SPOCK2: variants seen among roughly 807,000 people sequenced by gnomAD.
SPOCK2 encodes the protein SPARC (osteonectin), cwcv and kazal like domains proteoglycan 2.
In SPOCK2, 39 loss-of-function variants were observed where a neutral mutation model predicts 60.1. That is an observed-to-expected ratio of 0.65 (90% confidence interval 0.50 to 0.85). The LOEUF is 0.85. SPOCK2 is among the 40% of genes least tolerant of loss of function. SPOCK2 has a pLI of 0.00. For missense variants in SPOCK2, 523 were observed against 567.4 expected (o/e 0.92, Z 0.80); for synonymous variants, 217 against 231.5 (o/e 0.94, Z 0.57).
chr10:72,082,529 G>T (rs1840799414), intron 1 of SPOCK2, among the ~76,000 whole-genome samples: 1 of 152,040 alleles, frequency 6.6e-6, no homozygotes, highest in South Asian at 2.1e-4. Context: ...AGCCATCAGG[G>T]TAGGGCCCTC....
chr10:72,075,857 G>T (rs1443344297), intron 1 of SPOCK2, among the ~76,000 whole-genome samples: 1 of 152,150 alleles, frequency 6.6e-6, no homozygotes, highest in African/African-American at 2.4e-5. Context: ...GGAGAGCAGG[G>T]CCCTGGGGTC....
chr10:72,079,545 A>G (rs1048433347), intron 1 of SPOCK2, among the ~76,000 whole-genome samples: 9 of 152,160 alleles, frequency 5.9e-5, no homozygotes, highest in Admixed American at 2.0e-4. Flanking sequence ...GCTGGGGGAG[A>G]CAGCAGTGAG....
chr10:72,068,401 T>TC (rs1045362173), intron 5 of SPOCK2, 100 bp from the exon 6 acceptor site: 2 of 1,270,392 alleles, frequency 1.6e-6, no homozygotes, highest in African/African-American at 3.0e-5. Context: ...CACATCTGCC[T>TC]CCCCCCATGG....
Position 72,064,167 on chromosome 10 carries a change from T to C in SPOCK2, c.991+11A>G. On this transcript the variant is annotated intron_variant, in intron 9 of 10. Coordinates refer to ENST00000373109, the MANE Select transcript of SPOCK2 (RefSeq NM_001244950.2). ...CACCTCCTCCTCTGAGAGCCTGGTC[T>C]GGCCCCTCACCTGGCTTCTTCTTGG... 1 of 1,612,278 alleles carries C rather than the reference T, an allele frequency of 6.2e-7. No individual in the cohort carries two copies. The highest frequency in any genetic ancestry group is 1.1e-5 in the South Asian group (1 of 90,626).
chr10:72,073,774 G>A (rs1840679592), intron 1 of SPOCK2, among the ~76,000 whole-genome samples: 1 of 152,260 alleles, frequency 6.6e-6, no homozygotes, highest in Non-Finnish European at 1.5e-5. Context: ...AGAGTGGCCA[G>A]AGGCAGAGAG....
At chr10:72,088,616 TG>T, upstream of SPOCK2, 3 of 287,608 alleles carry the variant, frequency 1.0e-5, no homozygotes, top group East Asian at 5.5e-5. Context: ...TCATCATACC[TG>T]GTTTAAAAAA....
chr10:72,072,408 G>A (rs1368100206), intron 3 of SPOCK2, 95 bp downstream of exon 3: 102 of 1,572,442 alleles, frequency 6.5e-5, no homozygotes, highest in Non-Finnish European at 8.4e-5. Context: ...GGGCCTGGCT[G>A]CTCAAGGAGC....
At chr10:72,069,032 T>C (rs143497741) in intron 5 of SPOCK2, among the ~76,000 whole-genome samples, 210 of 152,330 alleles carry the variant, frequency 1.4e-3, no homozygotes, top group African/African-American at 4.6e-3. Context: ...TGAGCCGGGA[T>C]GAAAGCCAGA....
Position 72,088,132 on chromosome 10 carries a change from GGACTCAC to G in SPOCK2, c.189+1_189+7del. ...CGGGTCTCTGCCTTGGCAGCCCTGC[GGACTCAC>G]GTCTCGGAAGCGGTTCCAGTGCTTG... On this transcript the variant is annotated splice_donor_variant and splice_donor_5th_base_variant and intron_variant, in intron 1 of 10. Transcript: ENST00000373109. LOFTEE classifies it high-confidence loss of function. The G allele has an allele frequency of 6.2e-7, 1 of 1,611,770 alleles. No homozygotes were observed. The highest frequency in any genetic ancestry group is 8.5e-7 in the Non-Finnish European group (1 of 1,179,122).
intron 1 of SPOCK2, among the ~76,000 whole-genome samples, chr10:72,082,746 T>C (rs993843149): frequency 4.1e-5 from 6 of 146,696 alleles, no homozygotes; most frequent in African/African-American, 1.5e-4. Flanking sequence ...CCCAGCTACT[T>C]GGGAGGCTGA....
In SPOCK2 at chr10:72,084,904, T is replaced by C. The variant is rs1052613978; in HGVS notation, c.189+3236A>G. On this transcript the variant is annotated intron_variant, in intron 1 of 10. Transcript: ENST00000373109. ...CTCACTGCATCAGGGATTCAACTTA[T>C]ATGAACTGTGCGCCTCCTGGGTGCC... 2.2e-4 allele frequency among the ~76,000 whole-genome samples: 34 copies of C among 152,268 alleles called. 1 individual carries two copies. Among genetic ancestry groups the C allele is most frequent in the African/African-American group, 7.7e-4 (32 of 41,566 alleles).
At chr10:72,083,348 A>T (rs2131823455) in intron 1 of SPOCK2, among the ~76,000 whole-genome samples, 1 of 152,262 alleles carries the variant, frequency 6.6e-6, no homozygotes, top group Non-Finnish European at 1.5e-5. Context: ...AAGCCTCTGC[A>T]GATGATTTGG....
At chr10:72,072,802 G>T in intron 2 of SPOCK2, 100 bp downstream of exon 2, 2 of 1,524,160 alleles carry the variant, frequency 1.3e-6, no homozygotes, top group Non-Finnish European at 1.8e-6. Context: ...CTGGAGGCTG[G>T]CAGGGAAGGC....
At chr10:72,071,852 G>C (rs1158634438) in intron 4 of SPOCK2, among the ~76,000 whole-genome samples, 3 of 151,972 alleles carry the variant, frequency 2.0e-5, no homozygotes, top group Non-Finnish European at 4.4e-5. Context: ...GAGCATAAGA[G>C]TGAGCTTAGA....
chr10:72,081,092 C>A (rs1295898055), intron 1 of SPOCK2, among the ~76,000 whole-genome samples: 1 of 152,178 alleles, frequency 6.6e-6, no homozygotes, highest in Non-Finnish European at 1.5e-5. Context: ...GACCCCAGGG[C>A]TGGAGCTGAG....
At chr10:72,068,467 C>T (rs1336859016) in intron 5 of SPOCK2, among the ~76,000 whole-genome samples, 166 bp from the exon 6 acceptor site, 3 of 152,166 alleles carry the variant, frequency 2.0e-5, no homozygotes, top group Non-Finnish European at 4.4e-5. Flanking sequence ...CTGAGGTGCA[C>T]GGTGGAGAGA....
Position 72,088,351 on chromosome 10 carries a change from G to A in SPOCK2, c.-23C>T. 1 of 1,539,656 alleles carries A rather than the reference G, an allele frequency of 6.5e-7. No individual in the cohort carries two copies. The highest frequency in any genetic ancestry group is 8.7e-7 in the Non-Finnish European group (1 of 1,147,768). On this transcript the variant is annotated 5_prime_UTR_variant, in exon 1 of 11. Transcript: ENST00000373109. ...CATCGTGGTCTGGGTTCGACCTGGG[G>A]GGGTCTTGACTTCTGCAGTATTTTA...
At chr10:72,072,050 G>T in intron 4 of SPOCK2, 94 bp downstream of exon 4, 1 of 959,946 alleles carries the variant, frequency 1.0e-6, no homozygotes, top group Non-Finnish European at 1.5e-6. Flanking sequence ...TTATTTAACA[G>T]CAGTAGATGG....
chr10:72,074,852 C>G (rs1242742897), intron 1 of SPOCK2, among the ~76,000 whole-genome samples: 1 of 152,118 alleles, frequency 6.6e-6, no homozygotes. Flanking sequence ...TCTCATTGAG[C>G]CTCTTCCTCA....
Sources: gnomAD v4.1 joint callset for allele counts (sites outside exome capture counted in the v4.1 genomes callset) on GRCh38, gnomAD v4.1.1 for gene constraint, MANE v1.5 for transcripts, NCBI Gene and HGNC (gene_info 2026-07-23, HGNC 2026-07-21) for gene names.